Variants in EDNRA observed in about 807,000 individuals in gnomAD.
EDNRA encodes the protein endothelin receptor type A, also known as endothelin-1 receptor.
In EDNRA, 11 loss-of-function variants were observed where a neutral mutation model predicts 41.4. The ratio of observed to expected loss-of-function variants is 0.27; its 90% confidence interval spans 0.17 to 0.44. The LOEUF (loss-of-function observed/expected upper bound fraction) is 0.44, where lower values mean the gene tolerates loss of function less well. EDNRA is among the 20% of genes least tolerant of loss of function. The pLI, the probability that EDNRA is intolerant of heterozygous loss-of-function variation, is 1.00. For synonymous variants in EDNRA, 172 were observed against 183.0 expected (o/e 0.94, Z 0.49); for missense variants, 294 against 531.0 (o/e 0.55, Z 4.39).
intron 2 of EDNRA, among the ~76,000 whole-genome samples, chr4:147,518,435 G>A (rs1388246089): frequency 6.6e-6 from 1 of 152,050 alleles, no homozygotes; most frequent in East Asian, 1.9e-4. Flanking sequence ...AGAAACCAGA[G>A]GCACTATTGG....
Position 147,535,859 on chromosome 4 carries a change from T to C in EDNRA, c.748-18T>C, listed in dbSNP as rs13125865. On this transcript the variant is annotated intron_variant, in intron 4 of 7. Coordinates refer to ENST00000651419, the MANE Select transcript of EDNRA (RefSeq NM_001957.4). The stretch of plus-strand genomic sequence containing the variant: ...ACTCTGCTCCTCCTTTTCTCTTTTT[T>C]TTTTTTTCACTTTGAAGTTCTACCA... 4 of 1,541,066 alleles carry C rather than the reference T, an allele frequency of 2.6e-6. No individual in the cohort carries two copies. Among genetic ancestry groups the C allele is most frequent in the African/African-American group, 3.4e-5 (2 of 59,564 alleles).
intron 2 of EDNRA, among the ~76,000 whole-genome samples, chr4:147,507,670 T>C (rs1326659241): frequency 6.6e-6 from 1 of 152,218 alleles, no homozygotes; most frequent in East Asian, 1.9e-4. Context: ...TAGAGCTAAA[T>C]GCACACAAAT....
At chr4:147,517,023 A>G (rs1730139378) in intron 2 of EDNRA, among the ~76,000 whole-genome samples, 1 of 151,922 alleles carries the variant, frequency 6.6e-6, no homozygotes, top group Non-Finnish European at 1.5e-5. Context: ...TTCTATGTAC[A>G]TAGGATGTTT....
Position 147,527,685 on chromosome 4 carries a change from A to G in EDNRA, c.549-4821A>G, listed in dbSNP as rs763379429. Among the ~76,000 whole-genome samples, 223 of 152,372 alleles carry G rather than the reference A, an allele frequency of 1.5e-3. 1 individual carries two copies. The highest frequency in any genetic ancestry group is 6.3e-4 in the Non-Finnish European group (43 of 68,032). ...CATGCATTAAATGCCTCTGGCCTTA[A>G]TAACATGTAAAAATCTATTTATAGG... is the stretch of plus-strand genomic sequence containing the variant. On this transcript the variant is annotated intron_variant, in intron 3 of 7. Coordinates refer to ENST00000651419, the MANE Select transcript of EDNRA (RefSeq NM_001957.4).
intron 2 of EDNRA, among the ~76,000 whole-genome samples, chr4:147,518,815 A>C (rs1395203259): frequency 4.6e-5 from 7 of 152,218 alleles, no homozygotes; most frequent in Non-Finnish European, 7.3e-5. Context: ...GTTAAGTTTA[A>C]ATTGAGTCAC....
intron 3 of EDNRA, among the ~76,000 whole-genome samples, chr4:147,522,187 A>G (rs1730347850): frequency 6.6e-6 from 1 of 152,204 alleles, no homozygotes; most frequent in Non-Finnish European, 1.5e-5. Flanking sequence ...AATATTTATA[A>G]TTATTACCAT....
chr4:147,509,773 G>A (rs1053053589), intron 2 of EDNRA, among the ~76,000 whole-genome samples: 2 of 152,044 alleles, frequency 1.3e-5, no homozygotes, highest in African/African-American at 2.4e-5. Context: ...ATTAACCCTA[G>A]ATGGGACCAT....
intron 3 of EDNRA, among the ~76,000 whole-genome samples, chr4:147,524,467 T>G (rs146322372): frequency 9.5e-4 from 144 of 151,812 alleles, no homozygotes; most frequent in African/African-American, 3.1e-3. Flanking sequence ...AAATGAAATG[T>G]GAGTCATTCT....
chr4:147,539,021 T>C (rs1731009801), intron 5 of EDNRA, among the ~76,000 whole-genome samples: 1 of 152,126 alleles, frequency 6.6e-6, no homozygotes, highest in Non-Finnish European at 1.5e-5. Flanking sequence ...ATTCCTAATT[T>C]ATAGATTTTC....
chr4:147,530,775 G>A (rs892041583), intron 3 of EDNRA, among the ~76,000 whole-genome samples: 33 of 152,086 alleles, frequency 2.2e-4, no homozygotes, highest in African/African-American at 7.5e-4. Context: ...GCTTGTCTTG[G>A]TGGATATGGG....
chr4:147,540,004 A>G (rs1731044804), intron 6 of EDNRA, 54 bp downstream of exon 6: 9 of 1,543,972 alleles, frequency 5.8e-6, no homozygotes, highest in Admixed American at 4.5e-5. Context: ...TTTCATATTT[A>G]TAATACTTTT....
Position 147,519,868 on chromosome 4 carries a change from G to T in EDNRA, c.438G>T (p.Trp146Cys). The T allele has an allele frequency of 6.2e-7, 1 of 1,613,336 alleles. No homozygotes were observed. The highest frequency in any genetic ancestry group is 8.5e-7 in the Non-Finnish European group (1 of 1,179,578). ...TCTTTCAGCTGCTGGCTGGGCGCTG[G>T]CCTTTTGATCACAATGACTTTGGCG... ...INVFKLLAGR[W>C]PFDHNDFGVF... The change falls in exon 3 of 8, where the codon TGG (tryptophan) becomes TGT (cysteine). Residue 146 changes from tryptophan (W) to cysteine (C), a missense_variant. Physicochemically the swap from Trp to Cys is radical, Grantham distance 215 (BLOSUM62 -2). This residue lies in a region of EDNRA where 185 missense variants were observed against 390.8 expected (regional missense o/e 0.47). Coordinates refer to ENST00000651419, the MANE Select transcript of EDNRA (RefSeq NM_001957.4). The surrounding 1 kb of genome is among the most constrained non-coding windows in gnomAD (Gnocchi z 4.1).
intron 2 of EDNRA, among the ~76,000 whole-genome samples, chr4:147,507,665 C>T (rs1729768142): frequency 6.6e-6 from 1 of 152,078 alleles, no homozygotes. Flanking sequence ...TTGCATAGAG[C>T]TAAATGCACA....
intron 2 of EDNRA, among the ~76,000 whole-genome samples, chr4:147,505,638 C>T (rs113342365): frequency 0.013 from 1,882 of 146,406 alleles, 45 homozygotes; most frequent in African/African-American, 0.046. Context: ...CACCCTGCCC[C>T]GCCGGCAGTT....
chr4:147,483,448 A>C (rs1728839868), intron 1 of EDNRA, among the ~76,000 whole-genome samples: 1 of 152,214 alleles, frequency 6.6e-6, no homozygotes, highest in African/African-American at 2.4e-5. Context: ...GATAACAGAT[A>C]CATATATAAT....
At chr4:147,484,396 A>G (rs1240032048) in intron 1 of EDNRA, among the ~76,000 whole-genome samples, 1 of 152,262 alleles carries the variant, frequency 6.6e-6, no homozygotes, top group African/African-American at 2.4e-5. Flanking sequence ...CACAAGAATG[A>G]GAGACAGGAT....
intron 2 of EDNRA, among the ~76,000 whole-genome samples, chr4:147,502,247 A>G (rs1172569479): frequency 6.6e-6 from 1 of 152,188 alleles, no homozygotes; most frequent in East Asian, 1.9e-4. Context: ...CTAATTCAAG[A>G]AAGTATCATA....
intron 2 of EDNRA, among the ~76,000 whole-genome samples, chr4:147,500,348 A>C (rs1433944331): frequency 6.6e-6 from 1 of 152,200 alleles, no homozygotes; most frequent in African/African-American, 2.4e-5. Flanking sequence ...TCCATTTTTT[A>C]ACATTAGGTG....
At chr4:147,516,896 A>G (rs141138018) in intron 2 of EDNRA, among the ~76,000 whole-genome samples, 4 of 152,294 alleles carry the variant, frequency 2.6e-5, no homozygotes, top group African/African-American at 7.2e-5. Flanking sequence ...TGATTAAGCA[A>G]TAGAATTGCT....
Sources: gnomAD v4.1 joint callset for allele counts (sites outside exome capture counted in the v4.1 genomes callset) on GRCh38, gnomAD v4.1.1 for gene constraint, gnomAD v4.1.1 regional missense constraint, Gnocchi (gnomAD v3.1) non-coding constraint, MANE v1.5 for transcripts, NCBI Gene and HGNC (gene_info 2026-07-23, HGNC 2026-07-21) for gene names.